The following CELF4 variants were observed in gnomAD, a reference collection of about 807,000 sequenced individuals.
CELF4 encodes the protein CUG-BP- and ETR-3-like factor 4.
In CELF4, 18 loss-of-function variants were observed where a neutral mutation model predicts 59.9. The ratio of observed to expected loss-of-function variants is 0.30; its 90% CI spans 0.21 to 0.45. The LOEUF (loss-of-function observed/expected upper bound fraction) is 0.45, where lower values mean the gene tolerates loss of function less well. CELF4 is among the 20% of genes least tolerant of loss of function. CELF4 has a pLI of 1.00. For missense variants in CELF4, 456 were observed against 689.0 expected (o/e 0.66, Z 3.79); for synonymous variants, 261 against 267.1 (o/e 0.98, Z 0.22).
chr18:37,270,391 C>A (rs947234614), intron 8 of CELF4, among the ~76,000 whole-genome samples: 4 of 152,240 alleles, frequency 2.6e-5, no homozygotes, highest in African/African-American at 7.2e-5. Flanking sequence ...TAACACTAAC[C>A]CTGATTGTTC....
chr18:37,391,414 C>T, intron 2 of CELF4, among the ~76,000 whole-genome samples: 2 of 152,246 alleles, frequency 1.3e-5, no homozygotes, highest in East Asian at 3.9e-4. Context: ...GCAGTGGCAG[C>T]CTGCTCTGCT....
rs746291600 is a variant in CELF4 at position 37,245,955 on chromosome 18, T to C, written c.*45-758A>G. On this transcript the variant is annotated intron_variant, in intron 12 of 12. Coordinates refer to ENST00000420428, the MANE Select transcript of CELF4 (RefSeq NM_020180.4). This position sits in a 1 kb window ranked among gnomAD's most constrained non-coding sequence, Gnocchi z 4.1. Reference sequence around the variant, plus strand: ...AAAAAGGTCAGAAGAGATTTAATTATCAAACTTAAATAAATTAACTCAGAC... The same window carrying C: ...AAAAAGGTCAGAAGAGATTTAATTACCAAACTTAAATAAATTAACTCAGAC... Among the ~76,000 whole-genome samples, 3 of 152,220 alleles carry C rather than the reference T, an allele frequency of 2.0e-5. No individual in the cohort carries two copies. Among genetic ancestry groups the C allele is most frequent in the Non-Finnish European group, 4.4e-5 (3 of 68,048 alleles).
intron 2 of CELF4, among the ~76,000 whole-genome samples, chr18:37,334,644 G>A (rs1017401545): frequency 4.0e-5 from 6 of 151,740 alleles, no homozygotes; most frequent in South Asian, 2.1e-4. Flanking sequence ...CACTCCCCCC[G>A]GACTGTGGAC....
At chr18:37,333,859 G>A (rs2154538510) in intron 2 of CELF4, among the ~76,000 whole-genome samples, 1 of 151,946 alleles carries the variant, frequency 6.6e-6, no homozygotes. Context: ...TGTGTGCCAG[G>A]CCCTGTTCTA....
At chr18:37,416,178 TCATC>T (rs5824059) in intron 2 of CELF4, among the ~76,000 whole-genome samples, 3 of 151,362 alleles carry the variant, frequency 2.0e-5, no homozygotes, top group Admixed American at 2.0e-4. Flanking sequence ...CCATTTGAGG[TCATC>T]CATCCATCCA....
Position 37,254,121 on chromosome 18 carries a change from G to A in CELF4, c.1334-183C>T, listed in dbSNP as rs1308706327. Reference sequence around the variant, plus strand: ...CCGCGCGCGCGTGCTAGGCCCCTCCGGGGGCAGGCGCTGGCGGGGACCCGG... The same window carrying A: ...CCGCGCGCGCGTGCTAGGCCCCTCCAGGGGCAGGCGCTGGCGGGGACCCGG... On this transcript the variant is annotated intron_variant, in intron 11 of 12. Transcript: ENST00000420428. The surrounding 1 kb of genome is among the most constrained non-coding windows in gnomAD (Gnocchi z 5.1). 7.8e-6 allele frequency: 2 copies of A among 256,478 alleles called. No individual in the cohort carries two copies. Among genetic ancestry groups the A allele is most frequent in the South Asian group, 1.7e-4 (1 of 5,960 alleles). 15.9% of individuals were successfully genotyped at this position (256,478 alleles called of 1,614,324 possible). A position where few individuals can be genotyped will look rare whatever the true frequency, so the allele number is the denominator to read the frequency against.
At chr18:37,460,200 A>C (rs541878621) in intron 2 of CELF4, among the ~76,000 whole-genome samples, 1 of 152,262 alleles carries the variant, frequency 6.6e-6, no homozygotes, top group African/African-American at 2.4e-5. Context: ...AAGTTTCTGT[A>C]CTTAGGAAGT....
intron 10 of CELF4, among the ~76,000 whole-genome samples, chr18:37,263,629 A>G (rs2076010703): frequency 6.6e-6 from 1 of 151,732 alleles, no homozygotes; most frequent in Non-Finnish European, 1.5e-5. Flanking sequence ...CTTCCTGCTT[A>G]TGTGGGTACC....
At chr18:37,515,200 C>G (rs911132116) in intron 1 of CELF4, among the ~76,000 whole-genome samples, 1 of 152,172 alleles carries the variant, frequency 6.6e-6, no homozygotes, top group African/African-American at 2.4e-5. Context: ...ACAGTAAAAG[C>G]CTTAAGGAGC....
intron 2 of CELF4, among the ~76,000 whole-genome samples, chr18:37,436,249 A>C (rs769413646): frequency 1.3e-5 from 2 of 152,134 alleles, no homozygotes; most frequent in Non-Finnish European, 2.9e-5. Context: ...ACGTTTGTTT[A>C]AGACGGTAAC....
chr18:37,312,137 A>AAAAAAAAAAGAAAAG (rs1569557807), intron 3 of CELF4, among the ~76,000 whole-genome samples: 16 of 141,304 alleles, frequency 1.1e-4, no homozygotes, highest in South Asian at 2.2e-4. Flanking sequence ...AAAAGAAAAA[A>AAAAAAAAAAGAAAAG]AAAAAAAGAA....
intron 1 of CELF4, among the ~76,000 whole-genome samples, chr18:37,496,664 T>C (rs1358126338): frequency 1.3e-5 from 2 of 152,168 alleles, no homozygotes; most frequent in Non-Finnish European, 2.9e-5. Flanking sequence ...ACTTTCTTTT[T>C]AAAAGAAGAA....
chr18:37,269,459 T>C (rs2090064122), intron 8 of CELF4, among the ~76,000 whole-genome samples: 1 of 152,206 alleles, frequency 6.6e-6, no homozygotes, highest in African/African-American at 2.4e-5. Context: ...GAAATGAGAA[T>C]GTCTGGGCTT....
intron 2 of CELF4, among the ~76,000 whole-genome samples, chr18:37,457,920 T>A (rs1307103326): frequency 6.6e-6 from 1 of 152,134 alleles, no homozygotes; most frequent in Non-Finnish European, 1.5e-5. Context: ...CACCTTCAAA[T>A]GCTGCTCCTG....
chr18:37,511,565 C>T (rs890512876), intron 1 of CELF4, among the ~76,000 whole-genome samples: 5 of 151,854 alleles, frequency 3.3e-5, no homozygotes, highest in Non-Finnish European at 7.4e-5. Flanking sequence ...ACACACTCCT[C>T]ACACTGCCAT....
chr18:37,453,561 C>T (rs1218866477), intron 2 of CELF4, among the ~76,000 whole-genome samples: 3 of 152,158 alleles, frequency 2.0e-5, no homozygotes, highest in Non-Finnish European at 4.4e-5. Context: ...CAGAAAAAGC[C>T]GACCCTTGAA....
intron 1 of CELF4, among the ~76,000 whole-genome samples, chr18:37,549,240 C>T (rs533394797): frequency 6.6e-6 from 1 of 152,184 alleles, no homozygotes; most frequent in Non-Finnish European, 1.5e-5. Context: ...CATCCTAGAG[C>T]AGTATGACCA....
intron 1 of CELF4, among the ~76,000 whole-genome samples, chr18:37,522,620 C>G (rs1230698620): frequency 6.6e-6 from 1 of 152,136 alleles, no homozygotes; most frequent in Non-Finnish European, 1.5e-5. Context: ...GAGAGGAGAG[C>G]TGAGGAAACA....
intron 3 of CELF4, among the ~76,000 whole-genome samples, chr18:37,302,584 A>G (rs2154461023): frequency 6.6e-6 from 1 of 152,304 alleles, no homozygotes; most frequent in South Asian, 2.1e-4. Flanking sequence ...TGGAAAACAC[A>G]GCTTTCCTGG....
Sources: gnomAD v4.1 joint callset for allele counts (sites outside exome capture counted in the v4.1 genomes callset) on GRCh38, gnomAD v4.1.1 for gene constraint, Gnocchi (gnomAD v3.1) non-coding constraint, MANE v1.5 for transcripts, NCBI Gene and HGNC (gene_info 2026-07-23, HGNC 2026-07-21) for gene names.